Variants in LGSN observed in about 807,000 individuals in gnomAD.
The protein encoded by LGSN is lengsin, lens protein with glutamine synthetase domain.
In LGSN, 21 loss-of-function variants were observed where a neutral mutation model predicts 19.5. The ratio of observed to expected loss-of-function variants is 1.07; its 90% confidence interval spans 0.76 to 1.55. The LOEUF (loss-of-function observed/expected upper bound fraction) is 1.55. LGSN is among the 40% of genes most tolerant of loss of function. The probability of loss-of-function intolerance (pLI) is 0.00; values close to 1 mark genes in which losing one functional copy is unlikely to be tolerated. For missense variants in LGSN, 673 were observed against 608.5 expected, an observed-to-expected ratio of 1.11 and a Z score of -1.12; for synonymous variants, 257 against 215.6, an observed-to-expected ratio of 1.19 and a Z score of -1.68.
the LGSN span, among the ~76,000 whole-genome samples, chr6:63,507,959 G>A: frequency 1.3e-5 from 2 of 151,964 alleles, no homozygotes; most frequent in African/African-American, 4.8e-5. Context: ...AAGCAACTTG[G>A]GTCTCTCAGC....
At chr6:63,568,854 T>C in the LGSN span, among the ~76,000 whole-genome samples, 1 of 152,206 alleles carries the variant, frequency 6.6e-6, no homozygotes, top group Non-Finnish European at 1.5e-5. Flanking sequence ...TTGTTAAATA[T>C]GGGTATGGGA....
chr6:63,462,462 A>C, the LGSN span, among the ~76,000 whole-genome samples: 162 of 152,182 alleles, frequency 1.1e-3, 2 homozygotes, highest in East Asian at 5.8e-4. Flanking sequence ...ATGAAACCCT[A>C]TCTCTACTAA....
At chr6:63,402,860 T>C in the LGSN span, among the ~76,000 whole-genome samples, 4 of 152,086 alleles carry the variant, frequency 2.6e-5, no homozygotes, top group Non-Finnish European at 5.9e-5. Flanking sequence ...CTCCATAATA[T>C]GGTTGGGGCT....
chr6:63,407,400 A>G, the LGSN span, among the ~76,000 whole-genome samples: 1 of 152,230 alleles, frequency 6.6e-6, no homozygotes, highest in Non-Finnish European at 1.5e-5. Flanking sequence ...AATATAATCC[A>G]GCATATAAAC....
chr6:63,318,721 A>G (rs1768965728), intron 1 of LGSN, among the ~76,000 whole-genome samples: 1 of 152,146 alleles, frequency 6.6e-6, no homozygotes, highest in South Asian at 2.1e-4. Context: ...AAGGACTTTC[A>G]TGGGAGCTGT....
At chr6:63,560,040 C>T in the LGSN span, among the ~76,000 whole-genome samples, 8 of 152,150 alleles carry the variant, frequency 5.3e-5, 1 homozygote, top group South Asian at 1.0e-3. Flanking sequence ...AGGTACCCCA[C>T]GGTAATGCAT....
At chr6:63,354,621 A>T in the LGSN span, among the ~76,000 whole-genome samples, 1 of 152,148 alleles carries the variant, frequency 6.6e-6, no homozygotes, top group Non-Finnish European at 1.5e-5. Context: ...ATACCATATG[A>T]TCTATCACTA....
At chr6:63,568,364 G>A in the LGSN span, among the ~76,000 whole-genome samples, 1 of 152,186 alleles carries the variant, frequency 6.6e-6, no homozygotes. Context: ...GTATTGCTGT[G>A]TCTCACTGAG....
At chr6:63,421,900 T>G in the LGSN span, among the ~76,000 whole-genome samples, 1 of 151,670 alleles carries the variant, frequency 6.6e-6, no homozygotes, top group Non-Finnish European at 1.5e-5. Flanking sequence ...GAAAAAGTAG[T>G]TGAAGAAATA....
chr6:63,303,462 C>G (rs574866402), intron 1 of LGSN, among the ~76,000 whole-genome samples: 5 of 152,284 alleles, frequency 3.3e-5, no homozygotes, highest in Non-Finnish European at 7.4e-5. Context: ...TAGCATTAGG[C>G]AAGTCTAACT....
At chr6:63,507,021 G>A in the LGSN span, among the ~76,000 whole-genome samples, 2 of 152,042 alleles carry the variant, frequency 1.3e-5, no homozygotes, top group African/African-American at 4.8e-5. Context: ...GCCTTACCCC[G>A]ACAAACCAGC....
the LGSN span, among the ~76,000 whole-genome samples, chr6:63,552,884 T>G: frequency 3.3e-5 from 5 of 152,056 alleles, no homozygotes; most frequent in Admixed American, 3.3e-4. Flanking sequence ...GTTCTGTATC[T>G]CTGTTTTGGT....
the LGSN span, among the ~76,000 whole-genome samples, chr6:63,569,436 T>G: frequency 1.3e-5 from 2 of 152,154 alleles, no homozygotes; most frequent in African/African-American, 4.8e-5. Flanking sequence ...TTTTGTATTT[T>G]TAGTAGAGAT....
the LGSN span, among the ~76,000 whole-genome samples, chr6:63,566,222 C>T: frequency 2.0e-5 from 3 of 152,192 alleles, no homozygotes; most frequent in Admixed American, 6.5e-5. Context: ...GAAAGCAGCT[C>T]TAAATGCCAG....
chr6:63,441,589 C>A, the LGSN span: 3 of 453,398 alleles, frequency 6.6e-6, no homozygotes, highest in Non-Finnish European at 1.3e-5. Flanking sequence ...AAGTATGAGG[C>A]AAAGCAGCGA....
chr6:63,511,812 T>C, the LGSN span, among the ~76,000 whole-genome samples: 1 of 152,194 alleles, frequency 6.6e-6, no homozygotes, highest in Non-Finnish European at 1.5e-5. Flanking sequence ...AATCTGAAGA[T>C]GATGAAAAAT....
the LGSN span, among the ~76,000 whole-genome samples, chr6:63,470,669 A>G: frequency 6.6e-6 from 1 of 152,054 alleles, no homozygotes; most frequent in Non-Finnish European, 1.5e-5. Flanking sequence ...ACACCTTAAA[A>G]ATTGAAATGG....
chr6:63,418,270 T>C, the LGSN span, among the ~76,000 whole-genome samples: 2 of 152,088 alleles, frequency 1.3e-5, no homozygotes, highest in Admixed American at 6.6e-5. Flanking sequence ...ATATTATATA[T>C]AAAACAAACA....
chr6:63,545,864 GA>G, the LGSN span, among the ~76,000 whole-genome samples: 1 of 150,590 alleles, frequency 6.6e-6, no homozygotes, highest in African/African-American at 2.4e-5. Flanking sequence ...TAAGAAGAAA[GA>G]AAAAAAAGAA....
Sources: gnomAD v4.1 joint callset for allele counts (sites outside exome capture counted in the v4.1 genomes callset) on GRCh38, gnomAD v4.1.1 for gene constraint, MANE v1.5 for transcripts, NCBI Gene and HGNC (gene_info 2026-07-23, HGNC 2026-07-21) for gene names.